Variants in LDAH observed in about 807,000 individuals in gnomAD.
LDAH encodes the protein lipid droplet associated hydrolase, also known as lipid droplet-associated hydrolase.
LDAH carries 26 observed loss-of-function variants against 29.6 expected under a neutral mutation model. The ratio of observed to expected loss-of-function variants is 0.88; its 90% CI spans 0.64 to 1.22. The LOEUF (loss-of-function observed/expected upper bound fraction) is 1.22, where lower values mean the gene tolerates loss of function less well. Ranked by LOEUF, LDAH falls within the 50% of genes most tolerant of loss-of-function variation. The pLI is 0.00. For synonymous variants in LDAH, 117 were observed against 133.0 expected (o/e 0.88, Z 0.83); for missense variants, 344 against 387.3 (o/e 0.89, Z 0.94).
At chr2:20,690,116 C>T (rs1662889345) in intron 6 of LDAH, among the ~76,000 whole-genome samples, 1 of 152,160 alleles carries the variant, frequency 6.6e-6, no homozygotes, top group Admixed American at 6.5e-5. Flanking sequence ...GCTTGATAAG[C>T]CCTCAGCACT....
In LDAH at chr2:20,740,067, C is replaced by CA; in HGVS notation, c.606dup (p.Glu203Ter). 1.9e-6 allele frequency: 3 copies of CA among 1,614,098 alleles called. No individual in the cohort carries two copies. The highest frequency in any genetic ancestry group is 2.5e-6 in the Non-Finnish European group (3 of 1,179,984). On this transcript the variant is annotated frameshift_variant, in exon 5 of 7. Transcript: ENST00000237822. LOFTEE classifies it high-confidence loss of function. Reference sequence around the variant, plus strand: ...CTGATTAGCAAGGACTTGATTGTCTCAGGACACGGTTTCAATAATAAGTAG... The same window carrying CA: ...CTGATTAGCAAGGACTTGATTGTCTCAAGGACACGGTTTCAATAATAAGTAG...
chr2:20,801,713 G>A lies in LDAH; in HGVS notation c.-2-248C>T, dbSNP rs554103467. Reference sequence around the variant, plus strand: ...TGGAAAAATGAAAGACTATAGAGGGGTTTGAGTCAAAACCGTAACTTCCAC... The same window carrying A: ...TGGAAAAATGAAAGACTATAGAGGGATTTGAGTCAAAACCGTAACTTCCAC... On this transcript the variant is annotated intron_variant, in intron 1 of 6. Transcript: ENST00000237822. Among the ~76,000 whole-genome samples, 9 of 152,078 alleles carry A rather than the reference G, an allele frequency of 5.9e-5. No homozygotes were observed. The South Asian group carries it at 1.7e-3, about 28-fold the overall frequency.
At chr2:20,714,992 A>G (rs995324905) in intron 5 of LDAH, among the ~76,000 whole-genome samples, 2 of 152,210 alleles carry the variant, frequency 1.3e-5, no homozygotes, top group Non-Finnish European at 2.9e-5. Context: ...AAACTATTCC[A>G]ATCAATAGAA....
At chr2:20,760,573 G>A (rs1266811477) in intron 4 of LDAH, among the ~76,000 whole-genome samples, 1 of 152,204 alleles carries the variant, frequency 6.6e-6, no homozygotes, top group Non-Finnish European at 1.5e-5. Flanking sequence ...GTTGTGGAGA[G>A]GATTCAGTTC....
At chr2:20,752,555 C>A (rs2124908917) in intron 4 of LDAH, among the ~76,000 whole-genome samples, 1 of 152,114 alleles carries the variant, frequency 6.6e-6, no homozygotes, top group East Asian at 1.9e-4. Flanking sequence ...TACACTCTGG[C>A]AGTTTTGGAG....
At chr2:20,780,124 G>A (rs1572615121) in intron 3 of LDAH, among the ~76,000 whole-genome samples, 1 of 152,296 alleles carries the variant, frequency 6.6e-6, no homozygotes, top group African/African-American at 2.4e-5. Flanking sequence ...GTACAACTCT[G>A]TTAGCTCTTA....
At chr2:20,761,869 AAAG>A (rs1405279696) in intron 4 of LDAH, among the ~76,000 whole-genome samples, 1 of 152,110 alleles carries the variant, frequency 6.6e-6, no homozygotes, top group African/African-American at 2.4e-5. Flanking sequence ...AAAGAAAAAA[AAAG>A]AGAGAGAAAA....
intron 4 of LDAH, among the ~76,000 whole-genome samples, chr2:20,759,961 G>A (rs1165485518): frequency 6.6e-6 from 1 of 152,152 alleles, no homozygotes; most frequent in Non-Finnish European, 1.5e-5. Context: ...ATTTGAATAT[G>A]GCAATACTTT....
chr2:20,740,878 C>T (rs1037264108), intron 4 of LDAH, among the ~76,000 whole-genome samples: 5 of 152,064 alleles, frequency 3.3e-5, no homozygotes, highest in Non-Finnish European at 5.9e-5. Context: ...ATTTTGATTC[C>T]CACCAGTAAT....
intron 1 of LDAH, among the ~76,000 whole-genome samples, chr2:20,811,586 G>A (rs1248707379): frequency 2.0e-5 from 3 of 151,762 alleles, no homozygotes; most frequent in Non-Finnish European, 4.4e-5. Flanking sequence ...CGGGGTTCAC[G>A]CCATTCTCCT....
chr2:20,691,348 A>AT (rs5829754), intron 6 of LDAH, among the ~76,000 whole-genome samples: 89,540 of 151,238 alleles, frequency 0.59, 27,462 homozygotes, highest in African/African-American at 0.77. Context: ...CTAATTTTTA[A>AT]TTTTTTTTTG....
chr2:20,760,980 T>C (rs1668646370), intron 4 of LDAH, among the ~76,000 whole-genome samples: 1 of 152,194 alleles, frequency 6.6e-6, no homozygotes, highest in Non-Finnish European at 1.5e-5. Flanking sequence ...CTTACAGCAG[T>C]ATTTTGTACA....
intron 3 of LDAH, among the ~76,000 whole-genome samples, chr2:20,786,928 T>C (rs1462906763): frequency 6.6e-6 from 1 of 152,174 alleles, no homozygotes; most frequent in Non-Finnish European, 1.5e-5. Flanking sequence ...TACTGCAAAA[T>C]GCTTACTTCT....
At chr2:20,766,584 T>C (rs370900315) in intron 4 of LDAH, among the ~76,000 whole-genome samples, 11 of 152,238 alleles carry the variant, frequency 7.2e-5, no homozygotes, top group East Asian at 5.8e-4. Flanking sequence ...CCACTGACAT[T>C]GTGTTATTAT....
chr2:20,769,679 T>C (rs529548439), intron 4 of LDAH, among the ~76,000 whole-genome samples: 2 of 152,340 alleles, frequency 1.3e-5, no homozygotes, highest in South Asian at 2.1e-4. Context: ...TCAGCTATAG[T>C]TGTATGTTGA....
intron 1 of LDAH, among the ~76,000 whole-genome samples, chr2:20,801,882 C>G (rs1671694415): frequency 6.6e-6 from 1 of 151,672 alleles, no homozygotes. Context: ...AATGAACTCC[C>G]TATGGTCTCT....
chr2:20,741,530 A>G (rs1429555283), intron 4 of LDAH, among the ~76,000 whole-genome samples: 1 of 152,094 alleles, frequency 6.6e-6, no homozygotes, highest in South Asian at 2.1e-4. Flanking sequence ...TTTTTGCTAT[A>G]CTCACTGCAC....
At chr2:20,733,696 GC>G (rs1439602063) in intron 5 of LDAH, among the ~76,000 whole-genome samples, 1 of 151,916 alleles carries the variant, frequency 6.6e-6, no homozygotes, top group Non-Finnish European at 1.5e-5. Flanking sequence ...GAGCCACAGT[GC>G]CTGGCCAATT....
At chr2:20,728,780 T>A (rs1666196268) in intron 5 of LDAH, among the ~76,000 whole-genome samples, 1 of 151,834 alleles carries the variant, frequency 6.6e-6, no homozygotes, top group Admixed American at 6.6e-5. Flanking sequence ...CTCATTTTCC[T>A]TTACCCAAGG....
Sources: allele counts gnomAD v4.1 joint callset (sites outside exome capture counted in the v4.1 genomes callset), GRCh38; gene constraint gnomAD v4.1.1; transcripts MANE v1.5; gene names NCBI Gene and HGNC (gene_info 2026-07-23, HGNC 2026-07-21).